THOC5: variants seen among roughly 807,000 people sequenced by gnomAD.
THOC5 encodes the protein Fms-interacting protein.
THOC5 carries 43 observed loss-of-function variants against 92.9 expected under a neutral mutation model. The observed-to-expected ratio is 0.46, with a 90% CI of 0.36 to 0.60. The LOEUF is 0.60. Ranked by LOEUF, THOC5 falls within the 20% of genes least tolerant of loss-of-function variation. The pLI is 0.00. For missense variants in THOC5, 659 were observed against 849.4 expected (o/e 0.78, Z 2.79); for synonymous variants, 296 against 320.1 (o/e 0.92, Z 0.80).
At chr22:29,538,059 T>A (rs1207452786) in intron 6 of THOC5, among the ~76,000 whole-genome samples, 1 of 152,084 alleles carries the variant, frequency 6.6e-6, no homozygotes, top group Non-Finnish European at 1.5e-5. Flanking sequence ...CTCGGCTCAC[T>A]GCAACCTCTG....
intron 7 of THOC5, chr22:29,535,856 G>A (rs1487820243): frequency 2.6e-5 from 4 of 151,826 alleles, no homozygotes; most frequent in Non-Finnish European, 4.4e-5. Context: ...ATTTTTTTTT[G>A]TAGAGGCGGG....
chr22:29,538,274 G>A (rs1177447237), intron 6 of THOC5, among the ~76,000 whole-genome samples: 4 of 152,088 alleles, frequency 2.6e-5, no homozygotes, highest in African/African-American at 4.8e-5. Context: ...GAGCCACCTC[G>A]CCTGGCTGAA....
At chr22:29,509,287 A>G (rs1371845114) in intron 19 of THOC5, among the ~76,000 whole-genome samples, 2 of 149,856 alleles carry the variant, frequency 1.3e-5, no homozygotes, top group African/African-American at 2.5e-5. Flanking sequence ...AAAAAAAAAA[A>G]AAAAAGAAAA....
intron 12 of THOC5, among the ~76,000 whole-genome samples, chr22:29,524,405 C>CCA (rs2063503125): frequency 6.6e-6 from 1 of 152,282 alleles, no homozygotes; most frequent in Admixed American, 6.5e-5. Context: ...CAATTAACAA[C>CCA]CACACAGCGA....
At chr22:29,519,223 C>A in intron 14 of THOC5, 103 bp from the exon 15 acceptor site, 1 of 715,770 alleles carries the variant, frequency 1.4e-6, no homozygotes, top group South Asian at 2.0e-5. Flanking sequence ...CTGGATTATC[C>A]ATGCCCCAAG....
chr22:29,510,885 C>T (rs1259072990), intron 19 of THOC5, among the ~76,000 whole-genome samples: 3 of 152,176 alleles, frequency 2.0e-5, no homozygotes, highest in African/African-American at 7.2e-5. Flanking sequence ...TTGTTTTCCA[C>T]AGAAAGTATA....
Position 29,538,800 on chromosome 22 carries a change from G to GAAAAAAAAAA in THOC5, c.599+529_599+530insTTTTTTTTTT, listed in dbSNP as rs1491105374. Among the ~76,000 whole-genome samples, 4 of 33,000 alleles carry GAAAAAAAAAA rather than the reference G, an allele frequency of 1.2e-4. 1 individual carries two copies. Among genetic ancestry groups the GAAAAAAAAAA allele is most frequent in the African/African-American group, 3.3e-4 (3 of 9,032 alleles). 21.6% of individuals were successfully genotyped at this position (33,000 alleles called of 152,430 possible). A position where few individuals can be genotyped will look rare whatever the true frequency, so the allele number is the denominator to read the frequency against. ...CAATAGAGTGAAACGCCATCTCTTTGGAAAAAAAAAAAAAAAAAAAAAAAA... is the reference window on the plus strand; with the variant it reads ...CAATAGAGTGAAACGCCATCTCTTTGAAAAAAAAAAGAAAAAAAAAAAAAAAAAAAAAAAA... On this transcript the variant is annotated intron_variant, in intron 6 of 19. Transcript: ENST00000490103.
chr22:29,528,507 C>T, intron 9 of THOC5, 41 bp from the exon 10 acceptor site: 1 of 1,607,412 alleles, frequency 6.2e-7, no homozygotes, highest in Non-Finnish European at 8.5e-7. Flanking sequence ...TGAGGGGGCT[C>T]CAAATGCTCC....
intron 1 of THOC5, among the ~76,000 whole-genome samples, chr22:29,550,557 G>C (rs1035962427): frequency 6.6e-6 from 1 of 152,044 alleles, no homozygotes; most frequent in Non-Finnish European, 1.5e-5. Context: ...ACTCACTGAA[G>C]CTTCCACATC....
chr22:29,516,679 G>A (rs978120065), intron 17 of THOC5, among the ~76,000 whole-genome samples: 5 of 152,244 alleles, frequency 3.3e-5, no homozygotes, highest in African/African-American at 4.8e-5. Context: ...CCTCAGCCCT[G>A]TTATGAAGAG....
intron 18 of THOC5, among the ~76,000 whole-genome samples, chr22:29,511,597 C>T (rs937274188): frequency 1.3e-5 from 2 of 152,264 alleles, no homozygotes; most frequent in Non-Finnish European, 2.9e-5. Context: ...TGGTTAAAAA[C>T]GTGTTCCATG....
intron 3 of THOC5, among the ~76,000 whole-genome samples, 182 bp downstream of exon 3, chr22:29,544,278 T>C (rs1338363680): frequency 6.6e-6 from 1 of 152,190 alleles, no homozygotes; most frequent in African/African-American, 2.4e-5. Flanking sequence ...ATTCCTGTAA[T>C]TGGTGACTGA....
At chr22:29,518,829 T>C (rs2063381939) in intron 15 of THOC5, among the ~76,000 whole-genome samples, 177 bp downstream of exon 15, 1 of 152,228 alleles carries the variant, frequency 6.6e-6, no homozygotes, top group Admixed American at 6.5e-5. Context: ...CTCGGTCCTC[T>C]GCCTGGACAG....
chr22:29,516,107 C>T (rs2063327159), intron 17 of THOC5, among the ~76,000 whole-genome samples: 1 of 147,938 alleles, frequency 6.8e-6, no homozygotes, highest in Non-Finnish European at 1.5e-5. Context: ...CGTGCCACTG[C>T]ACTCCAGCCT....
At chr22:29,540,550 T>G (rs1371518817) in intron 5 of THOC5, among the ~76,000 whole-genome samples, 1 of 152,216 alleles carries the variant, frequency 6.6e-6, no homozygotes, top group Admixed American at 6.5e-5. Flanking sequence ...CTTCAAGGCC[T>G]ATGCTCCTTC....
intron 12 of THOC5, 43 bp downstream of exon 12, chr22:29,525,795 C>T (rs1169915914): frequency 6.6e-7 from 1 of 1,521,730 alleles, no homozygotes; most frequent in East Asian, 2.3e-5. Flanking sequence ...CTCTCATCAC[C>T]TCCCCATCCC....
At chr22:29,548,112 T>C (rs1293092816) in intron 2 of THOC5, among the ~76,000 whole-genome samples, 1 of 152,176 alleles carries the variant, frequency 6.6e-6, no homozygotes, top group African/African-American at 2.4e-5. Context: ...CATGATTCAA[T>C]TACCTCCTCG....
At chr22:29,519,211 C>T (rs1182300674) in intron 14 of THOC5, 91 bp from the exon 15 acceptor site, 6 of 812,614 alleles carry the variant, frequency 7.4e-6, no homozygotes, top group Non-Finnish European at 1.2e-5. Flanking sequence ...GTCTGCGGCA[C>T]CCTGGATTAT....
Position 29,549,045 on chromosome 22 carries a change from A to C in THOC5, c.96+7T>G, listed in dbSNP as rs1303164681. On this transcript the variant is annotated splice_region_variant and intron_variant, in intron 2 of 19. Coordinates refer to ENST00000490103, the MANE Select transcript of THOC5 (RefSeq NM_003678.5). ...CTCAGCAGCATGGCAACCCTGACTG[A>C]TCTCACCTGCTCGGTGTCAGATCGA... The C allele has an allele frequency of 6.2e-6, 10 of 1,613,672 alleles. No homozygotes were observed. Among genetic ancestry groups the C allele is most frequent in the Non-Finnish European group, 8.5e-6 (10 of 1,179,814 alleles).
Sources: gnomAD v4.1 joint callset for allele counts (sites outside exome capture counted in the v4.1 genomes callset) on GRCh38, gnomAD v4.1.1 for gene constraint, MANE v1.5 for transcripts, NCBI Gene and HGNC (gene_info 2026-07-23, HGNC 2026-07-21) for gene names.